AMHR2: variants seen among roughly 807,000 people sequenced by gnomAD.
AMHR2 encodes the protein anti-Muellerian hormone type-2 receptor.
AMHR2 carries 36 observed loss-of-function variants against 61.4 expected under a neutral mutation model. The ratio of observed to expected loss-of-function variants is 0.59; its 90% CI spans 0.45 to 0.77. The LOEUF (loss-of-function observed/expected upper bound fraction) is 0.77, where lower values mean the gene tolerates loss of function less well. Ranked by LOEUF, AMHR2 falls within the 30% of genes least tolerant of loss-of-function variation. AMHR2 has a pLI of 0.00. For synonymous variants in AMHR2, 258 were observed against 279.4 expected (o/e 0.92, Z 0.76); for missense variants, 638 against 714.6 (o/e 0.89, Z 1.22).
At chr12:53,430,891 C>G in intron 10 of AMHR2, 1 of 513,852 alleles carries the variant, frequency 1.9e-6, no homozygotes, top group Non-Finnish European at 3.5e-6. Flanking sequence ...GACTCTGGCT[C>G]TCTGAGAGGA....
In AMHR2 at chr12:53,431,325, G is replaced by A. The variant is rs1940082640; in HGVS notation, c.1574G>A (p.Cys525Tyr). Residue 525 changes from cysteine (C) to tyrosine (Y), a missense_variant, in exon 11 of 11, where the codon TGC (cysteine) becomes TAC (tyrosine). Coordinates refer to ENST00000257863, the MANE Select transcript of AMHR2 (RefSeq NM_020547.3). ...TTTCCAGAGAGCTGTCCACGTGGCTGCCCACCTCTCTGCCCAGAAGACTGT... is the reference window on the plus strand; with the variant it reads ...TTTCCAGAGAGCTGTCCACGTGGCTACCCACCTCTCTGCCCAGAAGACTGT... ...HPFPESCPRG[C>Y]PPLCPEDCTS... 6.2e-7 allele frequency: 1 copy of A among 1,614,228 alleles called. No individual in the cohort carries two copies. Among genetic ancestry groups the A allele is most frequent in the Middle Eastern group, 1.6e-4 (1 of 6,062 alleles).
At chr12:53,424,058 C>A in intron 1 of AMHR2, 75 bp downstream of exon 1, 2 of 1,562,148 alleles carry the variant, frequency 1.3e-6, no homozygotes, top group Non-Finnish European at 1.8e-6. Context: ...GCAAGAGCCA[C>A]CCCTTTGGAA....
chr12:53,429,071 T>G (rs761856704), intron 7 of AMHR2, 61 bp downstream of exon 7: 1 of 1,412,218 alleles, frequency 7.1e-7, no homozygotes, highest in African/African-American at 1.4e-5. Flanking sequence ...GATTCTGCCT[T>G]AGTTTGGAGG....
chr12:53,424,315 TC>T lies in AMHR2; in HGVS notation c.78del (p.Phe27LeufsTer17). ...CCCCCAAACAGGCGAACCTGTGTGT[TC>T]TTTGAGGCCCCTGGAGTGCGGGGAA... ...EAPPNRRTCV[F>X]FEAPGVRGST... On this transcript the variant is annotated frameshift_variant, in exon 2 of 11. Transcript: ENST00000257863. LOFTEE classifies it high-confidence loss of function. 6.2e-7 allele frequency: 1 copy of T among 1,612,746 alleles called. No homozygotes were observed. Among genetic ancestry groups the T allele is most frequent in the Non-Finnish European group, 8.5e-7 (1 of 1,180,010 alleles).
intron 10 of AMHR2, chr12:53,430,834 G>T: frequency 2.4e-6 from 1 of 422,420 alleles, no homozygotes; most frequent in South Asian, 2.5e-5. Flanking sequence ...AATTTCCACG[G>T]CACAAGTCTT....
At position 53,428,892 on chromosome 12, in the gene AMHR2, C is replaced by G; in HGVS notation, c.853-4C>G. 6.5e-7 allele frequency: 1 copy of G among 1,549,886 alleles called. No individual in the cohort carries two copies. The highest frequency in any genetic ancestry group is 2.4e-5 in the East Asian group (1 of 40,884). ...ACCATCCTTTTCTCTCTGCGTTTCCCCAGGGCTCCCTGTGCCACTACTTGA... is the reference window on the plus strand; with the variant it reads ...ACCATCCTTTTCTCTCTGCGTTTCCGCAGGGCTCCCTGTGCCACTACTTGA... On this transcript the variant is annotated splice_polypyrimidine_tract_variant and splice_region_variant and intron_variant, in intron 6 of 10. Transcript: ENST00000257863.
Position 53,425,578 on chromosome 12 carries a change from C to A in AMHR2, c.621+5C>A. ...CCTGAGCTGTGTTTCTCCCAGGTGC[C>A]CCAGGGAGGGAGAGAAGGGCTCCTC... On this transcript the variant is annotated splice_donor_5th_base_variant and intron_variant, in intron 5 of 10. Coordinates refer to ENST00000257863, the MANE Select transcript of AMHR2 (RefSeq NM_020547.3). 1 of 1,613,484 alleles carries A rather than the reference C, an allele frequency of 6.2e-7. No individual in the cohort carries two copies. Among genetic ancestry groups the A allele is most frequent in the Non-Finnish European group, 8.5e-7 (1 of 1,179,652 alleles).
At position 53,431,221 on chromosome 12, in the gene AMHR2, A is replaced by T; in HGVS notation, c.1470A>T (p.Ala490=). Residue 490 remains alanine, a synonymous_variant, in exon 11 of 11, where the codon GCA becomes GCT. Transcript: ENST00000257863. ...AGCTCCTAGAAGACTGTTGGGATGC[A>T]GACCCAGAAGCACGGCTGACAGCTG... ...LRELLEDCWD[A]DPEARLTAEC... is the part of the protein sequence containing the mutation. 6.2e-7 allele frequency: 1 copy of T among 1,614,252 alleles called. No individual in the cohort carries two copies. Among genetic ancestry groups the T allele is most frequent in the South Asian group, 1.1e-5 (1 of 91,090 alleles).
intron 7 of AMHR2, 59 bp from the exon 8 acceptor site, chr12:53,429,391 CAAA>C (rs56681678): frequency 8.4e-5 from 114 of 1,353,056 alleles, no homozygotes; most frequent in Admixed American, 1.5e-4. Flanking sequence ...GACGCCGACT[CAAA>C]AAAAAAAAAA....
In AMHR2 at chr12:53,430,130, C is replaced by T; in HGVS notation, c.1289-16C>T. 1.9e-6 allele frequency: 3 copies of T among 1,614,198 alleles called. No homozygotes were observed. Among genetic ancestry groups the T allele is most frequent in the Non-Finnish European group, 2.5e-6 (3 of 1,180,022 alleles). Reference sequence around the variant, plus strand: ...CCTAGGACTAACTGATACCCAGCCCCTCTACCTTCCTCCAGACAGCAGTCC... The same window carrying T: ...CCTAGGACTAACTGATACCCAGCCCTTCTACCTTCCTCCAGACAGCAGTCC... On this transcript the variant is annotated splice_polypyrimidine_tract_variant and intron_variant, in intron 9 of 10. Coordinates refer to ENST00000257863, the MANE Select transcript of AMHR2 (RefSeq NM_020547.3).
rs142124054 is a variant in AMHR2 at position 53,425,725 on chromosome 12, G to A, written c.658G>A (p.Gly220Arg). 15 of 1,614,010 alleles carry A rather than the reference G, an allele frequency of 9.3e-6. No homozygotes were observed. The highest frequency in any genetic ancestry group is 5.3e-5 in the African/African-American group (4 of 74,906). ...REGGHAVVWA[G>R]QLQGKLVAIK... ...AGGAGGTCATGCAGTGGTTTGGGCC[G>A]GGCAGCTGCAAGGAAAACTGGTTGC... The change falls in exon 6 of 11, where the codon GGG (glycine) becomes AGG (arginine). Residue 220 changes from glycine to arginine, a missense_variant. Physicochemically the swap from Gly to Arg is moderately radical, Grantham distance 125 (BLOSUM62 -2). Transcript: ENST00000257863.
rs1452234914 is a variant in AMHR2, at chr12:53,425,733, G to T, written c.666G>T (p.Leu222=). The T allele has an allele frequency of 6.2e-7, 1 of 1,614,088 alleles. No individual in the cohort carries two copies. Among genetic ancestry groups the T allele is most frequent in the Non-Finnish European group, 8.5e-7 (1 of 1,180,046 alleles). Residue 222 remains leucine (L), a synonymous_variant, in exon 6 of 11, where the codon CTG becomes CTT. Transcript: ENST00000257863. The part of the protein sequence containing the change: ...GGHAVVWAGQ[L]QGKLVAIKAF... Reference sequence around the variant, plus strand: ...ATGCAGTGGTTTGGGCCGGGCAGCTGCAAGGAAAACTGGTTGCCATCAAGG... The same window carrying T: ...ATGCAGTGGTTTGGGCCGGGCAGCTTCAAGGAAAACTGGTTGCCATCAAGG...
rs754703522 is a variant in AMHR2 at position 53,431,314 on chromosome 12, T to G, written c.1563T>G (p.Cys521Trp). 25 of 1,614,074 alleles carry G rather than the reference T, an allele frequency of 1.5e-5. No individual in the cohort carries two copies. Among genetic ancestry groups the G allele is most frequent in the Non-Finnish European group, 1.9e-5 (22 of 1,180,046 alleles). The change falls in exon 11 of 11, where the codon TGT (cysteine) becomes TGG (tryptophan). Residue 521 changes from cysteine (C) to tryptophan (W), a missense_variant. Coordinates refer to ENST00000257863, the MANE Select transcript of AMHR2 (RefSeq NM_020547.3). ...AGAGCCACCCCTTTCCAGAGAGCTG[T>G]CCACGTGGCTGCCCACCTCTCTGCC... ...PQESHPFPES[C>W]PRGCPPLCPE... is the part of the protein sequence containing the mutation.
intron 10 of AMHR2, 108 bp downstream of exon 10, chr12:53,430,390 C>A: frequency 6.4e-7 from 1 of 1,556,374 alleles, no homozygotes. Context: ...CCACTTATCT[C>A]CCATCACTCC....
intron 6 of AMHR2, 79 bp from the exon 7 acceptor site, chr12:53,428,817 T>G (rs894274730): frequency 2.2e-5 from 22 of 1,015,730 alleles, no homozygotes; most frequent in Non-Finnish European, 3.3e-5. Context: ...GAGAAGACTG[T>G]CAATTGATCT....
chr12:53,425,434 T>C (rs1939482508), intron 4 of AMHR2, 21 bp from the exon 5 acceptor site: 3 of 1,613,030 alleles, frequency 1.9e-6, no homozygotes, highest in Admixed American at 1.7e-5. Context: ...ACCCTGACCC[T>C]AAGGCTCTTG....
chr12:53,428,839 G>A, intron 6 of AMHR2, 57 bp from the exon 7 acceptor site: 1 of 1,276,272 alleles, frequency 7.8e-7, no homozygotes, highest in Non-Finnish European at 1.1e-6. Flanking sequence ...TGCTCCCTGG[G>A]ATGGATCAGC....
chr12:53,424,998 G>T, intron 3 of AMHR2, 98 bp downstream of exon 3: 2 of 1,553,816 alleles, frequency 1.3e-6, no homozygotes, highest in Non-Finnish European at 1.8e-6. Context: ...CCCGCCCCAC[G>T]CTTTCCTCCT....
At position 53,425,861 on chromosome 12, in the gene AMHR2, G is replaced by GT. The variant is rs1224964057; in HGVS notation, c.794_795insT (p.Pro268SerfsTer30). 3 of 1,613,624 alleles carry GT rather than the reference G, an allele frequency of 1.9e-6. No homozygotes were observed. Among genetic ancestry groups the GT allele is most frequent in the Non-Finnish European group, 2.5e-6 (3 of 1,179,828 alleles). On this transcript the variant is annotated frameshift_variant, in exon 6 of 11. Coordinates refer to ENST00000257863, the MANE Select transcript of AMHR2 (RefSeq NM_020547.3). LOFTEE classifies it high-confidence loss of function. ...ATTGTCCGATTTATCACTGCCAGCC[G>GT]GGGGGGTCCTGGCCGCCTGCTCTCT...
Sources: allele counts gnomAD v4.1 joint callset, GRCh38; gene constraint gnomAD v4.1.1; transcripts MANE v1.5; gene names NCBI Gene and HGNC (gene_info 2026-07-23, HGNC 2026-07-21).